DNAH5: variants seen among roughly 807,000 people sequenced by gnomAD.
The protein encoded by DNAH5 is axonemal beta dynein heavy chain 5.
Under a neutral mutation model 518.2 loss-of-function variants are expected in DNAH5, and 372 were observed. That is an observed-to-expected ratio of 0.72 (90% CI 0.66 to 0.78). The LOEUF (loss-of-function observed/expected upper bound fraction) is 0.78. DNAH5 is among the 30% of genes least tolerant of loss of function. The probability of loss-of-function intolerance (pLI) is 0.00; values close to 1 mark genes in which losing one functional copy is unlikely to be tolerated. For missense variants in DNAH5, 5,523 were observed against 5,687.0 expected (o/e 0.97, Z 0.93); for synonymous variants, 2,039 against 2,025.9 (o/e 1.01, Z -0.17).
At chr5:13,993,911 G>C (rs777504926) in intron 1 of DNAH5, among the ~76,000 whole-genome samples, 1 of 152,194 alleles carries the variant, frequency 6.6e-6, no homozygotes, top group Admixed American at 6.5e-5. Flanking sequence ...GAGGGAACCA[G>C]GTATATAATG....
chr5:13,732,638 G>C (rs1746766367), intron 68 of DNAH5, among the ~76,000 whole-genome samples: 1 of 151,878 alleles, frequency 6.6e-6, no homozygotes, highest in Admixed American at 6.6e-5. Context: ...CAAAGTGCTG[G>C]GATTACAGAC....
intron 78 of DNAH5, among the ~76,000 whole-genome samples, chr5:13,699,324 TGGGAGCTGGATCTGGTTCA>T (rs1433453621): frequency 3.3e-5 from 5 of 152,212 alleles, no homozygotes; most frequent in Non-Finnish European, 7.3e-5. Context: ...TGTGAGTCTC[TGGGAGCTGGATCTGGTTCA>T]TAATGATCTT....
rs148837179 is a variant in DNAH5 at position 13,922,303 on chromosome 5, G to A, written c.464C>T (p.Ala155Val). The change falls in exon 5 of 79, where the codon GCG becomes GTG. Residue 155 changes from alanine to valine, a missense_variant. Physicochemically the swap from Ala to Val is moderately conservative, Grantham distance 64. This residue lies in a region of DNAH5 where 5,121 missense variants were observed against 5,223.3 expected (regional missense o/e 0.98). Coordinates refer to ENST00000265104, the MANE Select transcript of DNAH5 (RefSeq NM_001369.3). ...ACTGTTGAGCAGGCCTCCATCTGCC[G>A]CATCTAACATGTTAAAACTCACCTC... ...HQEVSFNMLDAADGGLLNSVR... is the reference protein window; with the variant it reads ...HQEVSFNMLDVADGGLLNSVR... The A allele has an allele frequency of 2.5e-5, 40 of 1,613,784 alleles. No homozygotes were observed. The highest frequency in any genetic ancestry group is 1.3e-4 in the African/African-American group (10 of 74,900).
At position 13,814,717 on chromosome 5, in the gene DNAH5, C is replaced by A. The variant is rs746877314; in HGVS notation, c.7118G>T (p.Cys2373Phe). ...GTTATGAGGCTCGAAAATGATCTTG[C>A]AGTTTGGAGCCATGGGAATCCGATC... ...NGDRIPMAPNCKIIFEPHNID... is the reference protein window; with the variant it reads ...NGDRIPMAPNFKIIFEPHNID... The change falls in exon 43 of 79, where the codon TGC becomes TTC. Residue 2373 changes from cysteine (C) to phenylalanine (F), a missense_variant. Cys to Phe is a radical substitution (Grantham distance 205, BLOSUM62 -2). Transcript: ENST00000265104. 54 of 1,613,916 alleles carry A rather than the reference C, an allele frequency of 3.3e-5. No individual in the cohort carries two copies. Among genetic ancestry groups the A allele is most frequent in the Non-Finnish European group, 4.6e-5 (54 of 1,179,986 alleles).
intron 75 of DNAH5, among the ~76,000 whole-genome samples, chr5:13,712,664 A>G (rs1743648243): frequency 6.6e-6 from 1 of 152,232 alleles, no homozygotes; most frequent in Admixed American, 6.5e-5. Context: ...GGCTAAGCAT[A>G]TGAATAGGCA....
At chr5:13,917,393 C>T (rs950064861) in intron 7 of DNAH5, 137 bp from the exon 8 acceptor site, 6 of 706,518 alleles carry the variant, frequency 8.5e-6, no homozygotes, top group East Asian at 5.4e-5. Context: ...TCCAGAGGGG[C>T]GAGAGATATT....
At chr5:13,910,846 T>C (rs963230929) in intron 12 of DNAH5, among the ~76,000 whole-genome samples, 3 of 152,190 alleles carry the variant, frequency 2.0e-5, no homozygotes, top group African/African-American at 7.2e-5. Flanking sequence ...GCTAATGGCA[T>C]AAACTGCTCA....
chr5:13,986,919 T>C (rs1783090500), intron 1 of DNAH5, among the ~76,000 whole-genome samples: 1 of 152,200 alleles, frequency 6.6e-6, no homozygotes, highest in Admixed American at 6.5e-5. Context: ...GTCCCAGGGA[T>C]TCCCTGTTCC....
intron 1 of DNAH5, among the ~76,000 whole-genome samples, chr5:14,004,457 G>A (rs1784585270): frequency 6.6e-6 from 1 of 152,200 alleles, no homozygotes; most frequent in Non-Finnish European, 1.5e-5. Context: ...AGGAGTTAAA[G>A]AACAAGGAGT....
chr5:13,841,176 T>C, intron 33 of DNAH5, 46 bp from the exon 34 acceptor site: 2 of 1,422,310 alleles, frequency 1.4e-6, no homozygotes, highest in Non-Finnish European at 2.0e-6. Context: ...GGCATATTTA[T>C]GTATTTAAAT....
chr5:13,753,199 A>G lies in DNAH5; in HGVS notation c.10872+34T>C, dbSNP rs530475768. 2.0e-5 allele frequency: 30 copies of G among 1,530,772 alleles called. No individual in the cohort carries two copies. The East Asian group carries it at 6.3e-4, about 32-fold the overall frequency. 94.8% of individuals were successfully genotyped at this position (1,530,772 alleles called of 1,614,324 possible). A position where few individuals can be genotyped will look rare whatever the true frequency, so the allele number is the denominator to read the frequency against. On this transcript the variant is annotated intron_variant, in intron 63 of 78. Coordinates refer to ENST00000265104, the MANE Select transcript of DNAH5 (RefSeq NM_001369.3). ...TGTTTATCTGAGGCAATAAAACTTA[A>G]CCGGTAGCATAAACATACTAAAACA... is the stretch of plus-strand genomic sequence containing the variant.
Position 13,879,842 on chromosome 5 carries a change from C to T in DNAH5, c.3262+2886G>A, listed in dbSNP as rs144104264. 5.2e-3 allele frequency among the ~76,000 whole-genome samples: 791 copies of T among 151,228 alleles called. 4 individuals are homozygous for T. The highest frequency in any genetic ancestry group is 0.018 in the African/African-American group (753 of 41,226). ...ACACCATCAAGAGGAACAACTTATGCATTATTGGCTTGCCAGAAAGAGAAA... is the reference window on the plus strand; with the variant it reads ...ACACCATCAAGAGGAACAACTTATGTATTATTGGCTTGCCAGAAAGAGAAA... On this transcript the variant is annotated intron_variant, in intron 21 of 78. Coordinates refer to ENST00000265104, the MANE Select transcript of DNAH5 (RefSeq NM_001369.3).
chr5:13,805,432 A>T (rs1408002905), intron 47 of DNAH5, among the ~76,000 whole-genome samples: 1 of 152,048 alleles, frequency 6.6e-6, no homozygotes, highest in Non-Finnish European at 1.5e-5. Context: ...CAGGAGGTGG[A>T]GGTTGCAGTG....
intron 55 of DNAH5, among the ~76,000 whole-genome samples, chr5:13,771,507 TA>T (rs1453185195): frequency 5.3e-5 from 8 of 152,202 alleles, no homozygotes; most frequent in African/African-American, 1.9e-4. Context: ...GGTCAGTTCT[TA>T]TTTACAGTAT....
chr5:13,727,838 A>G (rs1038513984), intron 69 of DNAH5, among the ~76,000 whole-genome samples, 182 bp from the exon 70 acceptor site: 4 of 152,216 alleles, frequency 2.6e-5, no homozygotes, highest in Non-Finnish European at 5.9e-5. Flanking sequence ...CATTTGCTCC[A>G]AAGTCAGTCT....
intron 70 of DNAH5, among the ~76,000 whole-genome samples, chr5:13,724,350 C>A (rs1316099660): frequency 6.6e-6 from 1 of 152,196 alleles, no homozygotes; most frequent in Non-Finnish European, 1.5e-5. Flanking sequence ...TGGCCAATTT[C>A]TCCCTTCTGG....
At chr5:13,731,060 G>A (rs866609167) in intron 68 of DNAH5, among the ~76,000 whole-genome samples, 1 of 152,114 alleles carries the variant, frequency 6.6e-6, no homozygotes, top group Non-Finnish European at 1.5e-5. Flanking sequence ...AAAAATCTTT[G>A]TTTGAACAGA....
At chr5:13,850,177 A>AT (rs1181107836) in intron 31 of DNAH5, among the ~76,000 whole-genome samples, 2 of 152,234 alleles carry the variant, frequency 1.3e-5, no homozygotes, top group South Asian at 2.1e-4. Flanking sequence ...AAGGAAAAAA[A>AT]AACAAACAAA....
chr5:13,871,035 T>TA, intron 23 of DNAH5, 33 bp from the exon 24 acceptor site: 1 of 1,544,516 alleles, frequency 6.5e-7, no homozygotes, highest in Non-Finnish European at 8.9e-7. Flanking sequence ...AGTTCAGTTT[T>TA]AAAAACTCGA....
Sources: gnomAD v4.1 joint callset for allele counts (sites outside exome capture counted in the v4.1 genomes callset) on GRCh38, gnomAD v4.1.1 for gene constraint, gnomAD v4.1.1 regional missense constraint, MANE v1.5 for transcripts, NCBI Gene and HGNC (gene_info 2026-07-23, HGNC 2026-07-21) for gene names.